USP44: variants seen among roughly 807,000 people sequenced by gnomAD.
The protein encoded by USP44 is ubiquitin specific peptidase 44.
In USP44, 61 loss-of-function variants were observed where a neutral mutation model predicts 69.0. The observed-to-expected ratio is 0.88, with a 90% CI of 0.72 to 1.09. USP44 has a LOEUF of 1.09. Among genes scored for constraint, USP44 ranks in the 50% least tolerant of loss-of-function variants. The pLI, the probability that USP44 is intolerant of heterozygous loss-of-function variation, is 0.00. For synonymous variants in USP44, 297 were observed against 295.4 expected (o/e 1.01, Z -0.06); for missense variants, 753 against 849.9 (o/e 0.89, Z 1.42).
rs2077108399 is a variant in USP44, at chr12:95,533,829, T to A, written c.428A>T (p.Glu143Val). ...CCAAAGAGCAGTATACAGTTGATCT[T>A]CACTTTGAAGCAGAGATTGGGCACC... ...HDGAQSLLQS[E>V]DQLYTALWHR... Residue 143 changes from glutamate to valine, a missense_variant, in exon 2 of 6, where the codon GAA (glutamate) becomes GTA (valine). By Grantham distance (121) the Glu-to-Val change is moderately radical (BLOSUM62 -2). Coordinates refer to ENST00000258499, the MANE Select transcript of USP44 (RefSeq NM_032147.5). The A allele has an allele frequency of 6.2e-7, 1 of 1,614,034 alleles. No individual in the cohort carries two copies. Among genetic ancestry groups the A allele is most frequent in the Non-Finnish European group, 8.5e-7 (1 of 1,180,038 alleles).
rs1486186979 is a variant in USP44 at position 95,518,294 on chromosome 12, T to C, written c.1999A>G (p.Lys667Glu). 6.2e-7 allele frequency: 1 copy of C among 1,614,176 alleles called. No individual in the cohort carries two copies. The highest frequency in any genetic ancestry group is 1.7e-5 in the Admixed American group (1 of 60,020). ...TAAAACAAGATATAAGCTTGAGCCTTGCATACTTCATCCATAGTGCACATG... is the reference window on the plus strand; with the variant it reads ...TAAAACAAGATATAAGCTTGAGCCTCGCATACTTCATCCATAGTGCACATG... The part of the protein sequence containing the change: ...LSMCTMDEVC[K>E]AQAYILFYTQ... Residue 667 changes from lysine (K) to glutamate (E), a missense_variant, in exon 6 of 6, where the codon AAG (lysine) becomes GAG (glutamate). Physicochemically the swap from Lys to Glu is moderately conservative, Grantham distance 56. Transcript: ENST00000258499.
At chr12:95,541,139 C>T (rs1260585108) in intron 1 of USP44, among the ~76,000 whole-genome samples, 4 of 152,076 alleles carry the variant, frequency 2.6e-5, no homozygotes, top group Non-Finnish European at 4.4e-5. Context: ...ATTAGCCGGG[C>T]ATGGTGGCAG....
At chr12:95,543,425 A>AAAAG (rs1565839732) in intron 1 of USP44, among the ~76,000 whole-genome samples, 6 of 150,280 alleles carry the variant, frequency 4.0e-5, no homozygotes, top group Admixed American at 1.3e-4. Flanking sequence ...AAAAAAAAAA[A>AAAAG]AAAGAAAAAG....
intron 4 of USP44, chr12:95,522,125 G>A (rs2076686383): frequency 1.0e-6 from 1 of 984,860 alleles, no homozygotes; most frequent in South Asian, 4.7e-5. Flanking sequence ...GTGCTACGAG[G>A]GGAAAATAAT....
intron 1 of USP44, 70 bp from the exon 2 acceptor site, chr12:95,534,396 A>G (rs2077131244): frequency 1.2e-6 from 1 of 841,114 alleles, no homozygotes; most frequent in Non-Finnish European, 1.8e-6. Flanking sequence ...CAAGAATAAT[A>G]AAGATTTGTG....
intron 1 of USP44, among the ~76,000 whole-genome samples, chr12:95,537,819 TAATC>T (rs1381280790): frequency 6.6e-6 from 1 of 152,200 alleles, no homozygotes; most frequent in African/African-American, 2.4e-5. Context: ...CTTTCTTTAT[TAATC>T]TATACTTTCA....
chr12:95,532,606 C>G (rs2077056187), intron 2 of USP44, among the ~76,000 whole-genome samples: 1 of 152,128 alleles, frequency 6.6e-6, no homozygotes, highest in Admixed American at 6.5e-5. Flanking sequence ...ATTTCTCCCT[C>G]CCTCCAAAAG....
rs2140178170 is a variant in USP44, at chr12:95,516,714, GTC to G, written c.*1438_*1439del. 6.6e-6 allele frequency: 1 copy of G among 152,274 alleles called. No homozygotes were observed. The allele number at this position is 152,274 out of a possible 1,614,324, so 9.4% of individuals were successfully genotyped here. ...ATGATTTGTCTATTCAGTGATAAAAGTCTCACTGCACCTCACTATCAGCTAAC... is the reference window on the plus strand; with the variant it reads ...ATGATTTGTCTATTCAGTGATAAAAGTCACTGCACCTCACTATCAGCTAAC... On this transcript the variant is annotated 3_prime_UTR_variant, in exon 6 of 6. Transcript: ENST00000258499.
rs369538029 is a variant in USP44, at chr12:95,532,878, T to C, written c.1379A>G (p.Gln460Arg). Residue 460 changes from glutamine to arginine, a missense_variant, in exon 2 of 6, where the codon CAA becomes CGA. Physicochemically the swap from Gln to Arg is conservative, Grantham distance 43. Coordinates refer to ENST00000258499, the MANE Select transcript of USP44 (RefSeq NM_032147.5). The part of the protein sequence containing the change: ...IPTSQRKLIK[Q>R]VLNVVNNIFH... ...AATGTTATTTACAACATTCAGAACT[T>C]GTTTGATGAGTTTCCTTTGAGAAGT... The C allele has an allele frequency of 1.2e-6, 2 of 1,608,852 alleles. No homozygotes were observed. The highest frequency in any genetic ancestry group is 1.7e-6 in the Non-Finnish European group (2 of 1,178,416).
chr12:95,542,581 T>G (rs991497878), intron 1 of USP44, among the ~76,000 whole-genome samples: 1 of 151,566 alleles, frequency 6.6e-6, no homozygotes, highest in African/African-American at 2.4e-5. Context: ...GCCAACATGG[T>G]GAAAACCCTG....
intron 4 of USP44, among the ~76,000 whole-genome samples, chr12:95,523,689 C>CAAAAAAAAAAAAAA (rs927669685): frequency 1.1e-4 from 10 of 89,184 alleles, no homozygotes; most frequent in Non-Finnish European, 2.2e-4. Flanking sequence ...CTGTCTCTAC[C>CAAAAAAAAAAAAAA]AAAAAAAAAA....
intron 1 of USP44, among the ~76,000 whole-genome samples, chr12:95,543,195 G>T (rs1193846587): frequency 1.3e-5 from 2 of 151,614 alleles, no homozygotes; most frequent in African/African-American, 4.9e-5. Flanking sequence ...GAGGTCAGGA[G>T]TTCAAGACCA....
Position 95,533,946 on chromosome 12 carries a change from G to T in USP44, c.311C>A (p.Ala104Asp). Residue 104 changes from alanine to aspartate, a missense_variant, in exon 2 of 6, where the codon GCC (alanine) becomes GAC (aspartate). Transcript: ENST00000258499. ...DLKLLRRTLS[A>D]IKSQNYHCTT... is the part of the protein sequence containing the mutation. ...GCAGTGATAATTTTGACTTTTGATG[G>T]CACTTAATGTACGTCGTAGTAACTT... 2.5e-6 allele frequency: 4 copies of T among 1,614,144 alleles called. No homozygotes were observed. The highest frequency in any genetic ancestry group is 3.4e-6 in the Non-Finnish European group (4 of 1,180,034).
At chr12:95,539,408 A>C (rs1592730898) in intron 1 of USP44, among the ~76,000 whole-genome samples, 1 of 151,960 alleles carries the variant, frequency 6.6e-6, no homozygotes, top group African/African-American at 2.4e-5. Flanking sequence ...CTGTATTTGT[A>C]ATAGAGACAG....
chr12:95,528,896 G>A lies in USP44; in HGVS notation c.1535C>T (p.Ser512Phe). Reference protein sequence around the residue: ...RYQCSGKDIASQPCLVTEMLA... With the variant: ...RYQCSGKDIAFQPCLVTEMLA... ...CATTTCAGTAACCAGACATGGCTGG[G>A]AAGCAATATCTTTTCCACTGCATTG... The change falls in exon 3 of 6, where the codon TCC becomes TTC. Residue 512 changes from serine (S) to phenylalanine (F), a missense_variant. Physicochemically the swap from Ser to Phe is radical, Grantham distance 155. Coordinates refer to ENST00000258499, the MANE Select transcript of USP44 (RefSeq NM_032147.5). The A allele has an allele frequency of 6.2e-7, 1 of 1,614,014 alleles. No individual in the cohort carries two copies. The highest frequency in any genetic ancestry group is 8.5e-7 in the Non-Finnish European group (1 of 1,179,992).
intron 5 of USP44, among the ~76,000 whole-genome samples, chr12:95,519,626 A>T (rs71438992): frequency 0.094 from 14,061 of 149,544 alleles, 695 homozygotes; most frequent in East Asian, 0.2. Context: ...TTTTATTTTT[A>T]GTAGAGACGG....
chr12:95,542,961 G>A (rs1241859262), intron 1 of USP44, among the ~76,000 whole-genome samples: 3 of 148,798 alleles, frequency 2.0e-5, no homozygotes, highest in Non-Finnish European at 3.0e-5. Flanking sequence ...GGTGGTGGGC[G>A]CCTGTAGTCC....
chr12:95,528,728 AT>A, intron 3 of USP44, 78 bp downstream of exon 3: 1 of 1,423,934 alleles, frequency 7.0e-7, no homozygotes, highest in Non-Finnish European at 9.4e-7. Context: ...ACTGCTAAAG[AT>A]TTCTTTCAGC....
intron 2 of USP44, among the ~76,000 whole-genome samples, chr12:95,530,694 T>TAGATAA (rs1565816685): frequency 7.8e-6 from 1 of 128,512 alleles, no homozygotes; most frequent in African/African-American, 2.9e-5. Context: ...TAGATAGATA[T>TAGATAA]AAAAGAAAAA....
Sources: gnomAD v4.1 joint callset for allele counts (sites outside exome capture counted in the v4.1 genomes callset) on GRCh38, gnomAD v4.1.1 for gene constraint, MANE v1.5 for transcripts, NCBI Gene and HGNC (gene_info 2026-07-23, HGNC 2026-07-21) for gene names.